RNLS: variants seen among roughly 807,000 people sequenced by gnomAD.
RNLS encodes renalase, FAD dependent amine oxidase.
RNLS carries 39 observed loss-of-function variants against 39.8 expected under a neutral mutation model. The ratio of observed to expected loss-of-function variants is 0.98; its 90% CI spans 0.76 to 1.28. The LOEUF is 1.28. RNLS is among the 50% of genes most tolerant of loss of function. The probability of loss-of-function intolerance (pLI) is 0.00; values close to 1 mark genes in which losing one functional copy is unlikely to be tolerated. For missense variants in RNLS, 410 were observed against 413.3 expected (o/e 0.99, Z 0.07); for synonymous variants, 147 against 150.7 (o/e 0.98, Z 0.18).
At chr10:88,370,350 C>T (rs1286201066) in intron 4 of RNLS, among the ~76,000 whole-genome samples, 1 of 152,032 alleles carries the variant, frequency 6.6e-6, no homozygotes, top group Non-Finnish European at 1.5e-5. Flanking sequence ...GTATTTATTA[C>T]CAATATTATA....
the RNLS span, among the ~76,000 whole-genome samples, chr10:88,226,694 C>T: frequency 6.7e-6 from 1 of 148,982 alleles, no homozygotes; most frequent in Non-Finnish European, 1.5e-5. Flanking sequence ...AATTTTTTAA[C>T]CATTTAACCC....
chr10:88,455,733 C>G (rs1350701382), intron 4 of RNLS, among the ~76,000 whole-genome samples: 11 of 152,152 alleles, frequency 7.2e-5, no homozygotes, highest in Admixed American at 5.9e-4. Context: ...CCTCCCTTTT[C>G]TCTTTTTCCT....
At chr10:88,506,921 C>T (rs1161846445) in intron 4 of RNLS, among the ~76,000 whole-genome samples, 1 of 152,138 alleles carries the variant, frequency 6.6e-6, no homozygotes, top group Non-Finnish European at 1.5e-5. Flanking sequence ...TGAGCTCTGA[C>T]AGAATTTCCA....
chr10:88,298,170 G>T (rs1844226970), intron 6 of RNLS, among the ~76,000 whole-genome samples: 1 of 151,748 alleles, frequency 6.6e-6, no homozygotes, highest in South Asian at 2.1e-4. Flanking sequence ...AATTGGGTTG[G>T]TTTTTTTATT....
At chr10:88,550,226 A>C (rs751841899) in intron 4 of RNLS, among the ~76,000 whole-genome samples, 3 of 152,220 alleles carry the variant, frequency 2.0e-5, no homozygotes, top group Non-Finnish European at 4.4e-5. Context: ...TAAAGATATT[A>C]TAGTTTACTT....
chr10:88,233,068 C>T, the RNLS span, among the ~76,000 whole-genome samples: 1 of 152,206 alleles, frequency 6.6e-6, no homozygotes, highest in African/African-American at 2.4e-5. Context: ...AGTGGAAGAA[C>T]TGGAGTTCCA....
chr10:88,571,846 T>C (rs1252734422), intron 4 of RNLS, among the ~76,000 whole-genome samples: 1 of 152,204 alleles, frequency 6.6e-6, no homozygotes, highest in East Asian at 1.9e-4. Context: ...TGTTCACATG[T>C]ATACTAGAAA....
Position 88,326,530 on chromosome 10 carries a change from T to C in RNLS, c.701-11889A>G, listed in dbSNP as rs185244592. On this transcript the variant is annotated intron_variant, in intron 5 of 6. Transcript: ENST00000331772. ...TGTAAGCAGCAAAGTGTTCAAGATG[T>C]GGTCTGTGTGCTCTTAAAAGCATTC... is the stretch of plus-strand genomic sequence containing the variant. Among the ~76,000 whole-genome samples, 129 of 152,328 alleles carry C rather than the reference T, an allele frequency of 8.5e-4. 1 individual carries two copies. Among genetic ancestry groups the C allele is most frequent in the African/African-American group, 3.0e-3 (124 of 41,574 alleles).
chr10:88,481,678 T>C (rs1844178033), intron 4 of RNLS, among the ~76,000 whole-genome samples: 1 of 152,314 alleles, frequency 6.6e-6, no homozygotes, highest in African/African-American at 2.4e-5. Context: ...GTAATAATTA[T>C]AATAACTGCT....
At chr10:88,192,933 T>C in the RNLS span, among the ~76,000 whole-genome samples, 4 of 152,208 alleles carry the variant, frequency 2.6e-5, no homozygotes, top group Non-Finnish European at 4.4e-5. Context: ...TATATTGACA[T>C]GGAGTTAGCA....
At chr10:88,401,150 G>T (rs971420436) in intron 4 of RNLS, among the ~76,000 whole-genome samples, 3 of 151,818 alleles carry the variant, frequency 2.0e-5, no homozygotes, top group Non-Finnish European at 4.4e-5. Flanking sequence ...CTTTAGGAAA[G>T]ACACACTTCA....
intron 4 of RNLS, among the ~76,000 whole-genome samples, chr10:88,369,547 T>C (rs1850378682): frequency 6.6e-6 from 1 of 152,164 alleles, no homozygotes; most frequent in African/African-American, 2.4e-5. Context: ...GGGGCATTGA[T>C]TGGTAACCTT....
chr10:88,178,869 G>C, the RNLS span, among the ~76,000 whole-genome samples: 1 of 152,122 alleles, frequency 6.6e-6, no homozygotes, highest in Non-Finnish European at 1.5e-5. Flanking sequence ...AGGGAGCTCT[G>C]AGTTGAATCT....
the RNLS span, among the ~76,000 whole-genome samples, chr10:88,215,722 G>A: frequency 7.9e-6 from 1 of 127,328 alleles, no homozygotes; most frequent in Middle Eastern, 4.7e-3. Flanking sequence ...TTTCCGAGAT[G>A]GAGTTTTGCT....
chr10:88,375,078 T>A (rs1325665377), intron 4 of RNLS, among the ~76,000 whole-genome samples: 1 of 152,136 alleles, frequency 6.6e-6, no homozygotes, highest in Non-Finnish European at 1.5e-5. Flanking sequence ...TCTCTCTTCC[T>A]CTTCAATTTC....
chr10:88,269,156 G>T (rs369133377), downstream of RNLS, among the ~76,000 whole-genome samples: 4 of 152,172 alleles, frequency 2.6e-5, no homozygotes, highest in African/African-American at 9.7e-5. Context: ...CAAAATGCAG[G>T]TGCATCAAAT....
intron 4 of RNLS, among the ~76,000 whole-genome samples, chr10:88,559,414 C>T (rs535998944): frequency 5.3e-5 from 8 of 152,192 alleles, no homozygotes; most frequent in African/African-American, 9.6e-5. Flanking sequence ...ACTAAGACCC[C>T]TGTCATTTGT....
chr10:88,509,450 GA>G (rs72517680), intron 4 of RNLS, among the ~76,000 whole-genome samples: 16 of 72,096 alleles, frequency 2.2e-4, no homozygotes, highest in Admixed American at 1.0e-3. Flanking sequence ...GAGAGAGAGA[GA>G]AAAAAAAGGA....
chr10:88,578,137 G>A (rs2134480566), intron 3 of RNLS, among the ~76,000 whole-genome samples: 1 of 152,250 alleles, frequency 6.6e-6, no homozygotes, highest in East Asian at 1.9e-4. Flanking sequence ...ATTACTATGT[G>A]ACTGGCTTAC....
Sources: allele counts gnomAD v4.1 joint callset (sites outside exome capture counted in the v4.1 genomes callset), GRCh38; gene constraint gnomAD v4.1.1; transcripts MANE v1.5; gene names NCBI Gene and HGNC (gene_info 2026-07-23, HGNC 2026-07-21).